The following IL1RAPL2 variants were observed in gnomAD, a reference collection of about 807,000 sequenced individuals.
The protein encoded by IL1RAPL2 is X-linked interleukin-1 receptor accessory protein-like 2.
A neutral mutation model predicts 44.1 loss-of-function variants in IL1RAPL2; 3 were observed. The ratio of observed to expected loss-of-function variants is 0.07; its 90% CI spans 0.03 to 0.18. The LOEUF is 0.18. Ranked by LOEUF, IL1RAPL2 falls within the 10% of genes least tolerant of loss-of-function variation. IL1RAPL2 has a pLI of 1.00. For missense variants in IL1RAPL2, 391 were observed against 496.4 expected, an observed-to-expected ratio of 0.79 and a Z score of 2.02; for synonymous variants, 181 against 178.8, an observed-to-expected ratio of 1.01 and a Z score of -0.10.
chrX:105,767,392 T>C lies in IL1RAPL2; in HGVS notation c.1792T>C (p.Ser598Pro). ...AMTSTSATLV[S>P]SQADLPEFHP... ...GACCAGTACTTCAGCCACTCTGGTGTCATCTCAGGCTGATCTCCCTGAATT... is the reference window on the plus strand; with the variant it reads ...GACCAGTACTTCAGCCACTCTGGTGCCATCTCAGGCTGATCTCCCTGAATT... The change falls in exon 11 of 11, where the codon TCA becomes CCA. Residue 598 changes from serine to proline, a missense_variant. Transcript: ENST00000372582. 1.7e-6 allele frequency: 2 copies of C among 1,211,350 alleles called. No individual in the cohort carries two copies. Among genetic ancestry groups the C allele is most frequent in the Non-Finnish European group, 2.2e-6 (2 of 895,115 alleles).
intron 2 of IL1RAPL2, among the ~76,000 whole-genome samples, chrX:105,193,156 G>A (rs1444489437): frequency 9.0e-6 from 1 of 111,644 alleles, no homozygotes; most frequent in African/African-American, 3.3e-5. Context: ...AGATCACTTA[G>A]AAGACTTAGA....
At chrX:105,350,033 A>G (rs1052140177) in intron 5 of IL1RAPL2, among the ~76,000 whole-genome samples, 1 of 112,109 alleles carries the variant, frequency 8.9e-6, no homozygotes, top group African/African-American at 3.2e-5. Flanking sequence ...GTGGCACTGG[A>G]CACAATATAC....
chrX:105,103,085 G>C (rs560202649), intron 2 of IL1RAPL2, among the ~76,000 whole-genome samples: 1 of 111,607 alleles, frequency 9.0e-6, no homozygotes, highest in African/African-American at 3.3e-5. Flanking sequence ...TTGGTGCCTG[G>C]AACAGTGCCC....
At chrX:105,456,860 G>A (rs1277461742) in intron 5 of IL1RAPL2, among the ~76,000 whole-genome samples, 2 of 110,221 alleles carry the variant, frequency 1.8e-5, no homozygotes, top group Non-Finnish European at 3.8e-5. Context: ...TTTAATTTTA[G>A]ACATTTGTAC....
At chrX:105,349,726 G>A (rs140353131) in intron 5 of IL1RAPL2, among the ~76,000 whole-genome samples, 1,461 of 111,617 alleles carry the variant, frequency 0.013, 19 homozygotes, top group African/African-American at 0.046. Flanking sequence ...CTGATTTTAA[G>A]CAACTCATTA....
chrX:105,541,599 G>A (rs769183819), intron 6 of IL1RAPL2, among the ~76,000 whole-genome samples: 1 of 110,715 alleles, frequency 9.0e-6, no homozygotes, highest in Admixed American at 9.6e-5. Flanking sequence ...GGATGTAAGA[G>A]ATTATCAAAT....
At chrX:105,349,130 G>T (rs979436073) in intron 5 of IL1RAPL2, among the ~76,000 whole-genome samples, 28 of 112,116 alleles carry the variant, frequency 2.5e-4, no homozygotes, top group African/African-American at 8.1e-4. Flanking sequence ...AGTTAATCGT[G>T]GTGGCTCTGA....
chrX:105,432,395 A>G (rs2035854456), intron 5 of IL1RAPL2, among the ~76,000 whole-genome samples: 1 of 109,435 alleles, frequency 9.1e-6, no homozygotes, highest in East Asian at 2.9e-4. Context: ...AGTATGGGAG[A>G]GGTATAGGTG....
At chrX:104,661,265 C>G (rs1405656667) in intron 2 of IL1RAPL2, among the ~76,000 whole-genome samples, 3 of 111,515 alleles carry the variant, frequency 2.7e-5, no homozygotes, top group Non-Finnish European at 5.6e-5. Context: ...AGGACAATAG[C>G]AATTGTAATA....
intron 2 of IL1RAPL2, among the ~76,000 whole-genome samples, chrX:105,012,603 T>C (rs1197925773): frequency 1.1e-4 from 2 of 17,792 alleles, no homozygotes; most frequent in Non-Finnish European, 2.0e-4. Context: ...TCTCTTTCTC[T>C]CTCTCTCTCT....
chrX:105,321,001 G>A (rs1160014504), intron 5 of IL1RAPL2, among the ~76,000 whole-genome samples: 1 of 111,311 alleles, frequency 9.0e-6, no homozygotes, highest in Non-Finnish European at 1.9e-5. Flanking sequence ...ACCAGCTCAG[G>A]TGCAGCCTCC....
intron 6 of IL1RAPL2, among the ~76,000 whole-genome samples, chrX:105,536,424 G>A (rs1158703644): frequency 1.5e-5 from 1 of 66,864 alleles, no homozygotes; most frequent in Non-Finnish European, 3.1e-5. Flanking sequence ...ATTTTATATG[G>A]TAAAAAAAAA....
At chrX:105,116,683 T>G (rs996604731) in intron 2 of IL1RAPL2, among the ~76,000 whole-genome samples, 1 of 112,533 alleles carries the variant, frequency 8.9e-6, no homozygotes, top group African/African-American at 3.2e-5. Flanking sequence ...AAACGTCCTT[T>G]TGTAATATAA....
chrX:104,610,263 T>C (rs1458354964), intron 1 of IL1RAPL2, among the ~76,000 whole-genome samples: 2 of 110,730 alleles, frequency 1.8e-5, no homozygotes, highest in Non-Finnish European at 3.8e-5. Flanking sequence ...TTCAACATAG[T>C]GTTGGAAGTT....
intron 5 of IL1RAPL2, among the ~76,000 whole-genome samples, chrX:105,376,332 A>G (rs186888305): frequency 8.9e-6 from 1 of 112,326 alleles, no homozygotes; most frequent in East Asian, 2.8e-4. Flanking sequence ...TGAGAGATTT[A>G]CTTTTCCTTC....
chrX:104,922,126 C>T (rs1324635478), intron 2 of IL1RAPL2, among the ~76,000 whole-genome samples: 1 of 112,127 alleles, frequency 8.9e-6, no homozygotes, highest in East Asian at 2.8e-4. Flanking sequence ...CCCCCTCCAG[C>T]CACCTTGGTG....
intron 4 of IL1RAPL2, among the ~76,000 whole-genome samples, chrX:105,247,837 A>G (rs1305913770): frequency 9.1e-6 from 1 of 110,194 alleles, no homozygotes; most frequent in Non-Finnish European, 1.9e-5. Flanking sequence ...CTTTGTGTGT[A>G]TATATGTGTA....
intron 5 of IL1RAPL2, among the ~76,000 whole-genome samples, chrX:105,467,142 G>T (rs2036135989): frequency 9.0e-6 from 1 of 111,650 alleles, no homozygotes; most frequent in African/African-American, 3.3e-5. Context: ...ATAGCAATCA[G>T]ATTAAGAAGT....
In IL1RAPL2 at chrX:105,337,763, C is replaced by T. The variant is rs757560634; in HGVS notation, c.697+70222C>T. Among the ~76,000 whole-genome samples, 15 of 110,522 alleles carry T rather than the reference C, an allele frequency of 1.4e-4. No individual in the cohort carries two copies. The East Asian group carries it at 3.5e-3, about 25-fold the overall frequency. Reference sequence around the variant, plus strand: ...AAAATTAGCCAGGTGTGGTGGCGGGCGCCTGTAGTCCCAGCTACTCGGGAG... The same window carrying T: ...AAAATTAGCCAGGTGTGGTGGCGGGTGCCTGTAGTCCCAGCTACTCGGGAG... On this transcript the variant is annotated intron_variant, in intron 5 of 10. Coordinates refer to ENST00000372582, the MANE Select transcript of IL1RAPL2 (RefSeq NM_017416.2).
Sources: allele counts gnomAD v4.1 joint callset (sites outside exome capture counted in the v4.1 genomes callset), GRCh38; gene constraint gnomAD v4.1.1; transcripts MANE v1.5; gene names NCBI Gene and HGNC (gene_info 2026-07-23, HGNC 2026-07-21).